SHANK2: variants seen among roughly 807,000 people sequenced by gnomAD.
SHANK2 encodes SH3 and multiple ankyrin repeat domains 2, also known as SH3 and multiple ankyrin repeat domains protein 2.
Under a neutral mutation model 133.7 loss-of-function variants are expected in SHANK2, and 43 were observed. The observed-to-expected ratio is 0.32, with a 90% confidence interval of 0.25 to 0.41. The LOEUF is 0.41. Among genes scored for constraint, SHANK2 ranks in the 10% least tolerant of loss-of-function variants. The probability of loss-of-function intolerance (pLI) is 1.00; values close to 1 mark genes in which losing one functional copy is unlikely to be tolerated. For missense variants in SHANK2, 1,994 were observed against 2,235.8 expected (o/e 0.89, Z 2.18); for synonymous variants, 1,017 against 952.8 (o/e 1.07, Z -1.24).
At position 70,473,630 on chromosome 11, in the gene SHANK2, T is replaced by C. The variant is rs987997553; in HGVS notation, c.4980-191A>G. The C allele has an allele frequency of 2.3e-5, 16 of 684,464 alleles. No individual in the cohort carries two copies. The highest frequency in any genetic ancestry group is 1.1e-4 in the African/African-American group (6 of 56,938). The allele number at this position is 684,464 out of a possible 1,614,324, so 42.4% of individuals were successfully genotyped here. On this transcript the variant is annotated intron_variant, in intron 25 of 25. Transcript: ENST00000601538. This position sits in a 1 kb window ranked among gnomAD's most constrained non-coding sequence, Gnocchi z 5.9. ...GGGGGAGAAAGGGGCCAGAGCAAAG[T>C]TGGAGACACCAGAGCACACCACGTC...
intron 17 of SHANK2, among the ~76,000 whole-genome samples, chr11:70,597,301 C>T (rs1434743727): frequency 2.6e-5 from 4 of 152,128 alleles, no homozygotes; most frequent in African/African-American, 9.7e-5. Flanking sequence ...TACCCAGGCA[C>T]CCCATAATAA....
intron 11 of SHANK2, among the ~76,000 whole-genome samples, chr11:70,851,422 A>C (rs1289712739): frequency 6.6e-6 from 1 of 152,194 alleles, no homozygotes; most frequent in Non-Finnish European, 1.5e-5. Context: ...ACATAAATAA[A>C]AGAAACAGGT....
At chr11:70,609,264 T>A (rs1288313353) in intron 17 of SHANK2, among the ~76,000 whole-genome samples, 1 of 152,130 alleles carries the variant, frequency 6.6e-6, no homozygotes, top group South Asian at 2.1e-4. Context: ...TGACGGCAGA[T>A]GGTTTCAAAG....
chr11:70,835,630 C>G (rs1948803118), intron 11 of SHANK2, among the ~76,000 whole-genome samples: 1 of 152,128 alleles, frequency 6.6e-6, no homozygotes, highest in Non-Finnish European at 1.5e-5. Flanking sequence ...GCTGGAGGAC[C>G]CCTCTTGGAG....
At chr11:70,587,325 C>T (rs184704004) in intron 17 of SHANK2, among the ~76,000 whole-genome samples, 8 of 152,344 alleles carry the variant, frequency 5.3e-5, no homozygotes, top group African/African-American at 1.9e-4. Context: ...GGACCCCTAA[C>T]TAGACAGGCC....
intron 14 of SHANK2, among the ~76,000 whole-genome samples, chr11:70,729,684 C>G (rs1487437218): frequency 2.6e-5 from 4 of 151,678 alleles, no homozygotes; most frequent in African/African-American, 9.7e-5. Context: ...GCTACCACAC[C>G]CGGCTAATTT....
Position 70,485,574 on chromosome 11 carries a change from A to T in SHANK2, c.4719T>A (p.Asp1573Glu). The change falls in exon 25 of 26, where the codon GAT (aspartate) becomes GAA (glutamate). Residue 1573 changes from aspartate (D) to glutamate (E), a missense_variant. Coordinates refer to ENST00000601538, the MANE Select transcript of SHANK2 (RefSeq NM_012309.5). This position sits in a 1 kb window ranked among gnomAD's most constrained non-coding sequence, Gnocchi z 5.8. ...GAGCGGGCGGGGGGATAACAAAGCTATCTACATCTTCTTCCACGAGCGCGT... is the reference window on the plus strand; with the variant it reads ...GAGCGGGCGGGGGGATAACAAAGCTTTCTACATCTTCTTCCACGAGCGCGT... ...YQDALVEEDVDSFVIPPPAPP... is the reference protein window; with the variant it reads ...YQDALVEEDVESFVIPPPAPP... 6.2e-7 allele frequency: 1 copy of T among 1,613,644 alleles called. No individual in the cohort carries two copies. Among genetic ancestry groups the T allele is most frequent in the South Asian group, 1.1e-5 (1 of 91,080 alleles).
At chr11:71,116,553 G>A (rs569511795) in intron 4 of SHANK2, among the ~76,000 whole-genome samples, 23 of 152,360 alleles carry the variant, frequency 1.5e-4, no homozygotes, top group African/African-American at 4.8e-4. Flanking sequence ...AAAGAGCCCC[G>A]GTCACCCGGG....
chr11:70,648,941 C>T (rs148430834), intron 17 of SHANK2, among the ~76,000 whole-genome samples: 11 of 152,192 alleles, frequency 7.2e-5, no homozygotes, highest in African/African-American at 1.9e-4. Flanking sequence ...GGGTTATGAG[C>T]GGGCATCACA....
chr11:71,234,743 G>A (rs1370726832), intron 1 of SHANK2, among the ~76,000 whole-genome samples: 1 of 152,132 alleles, frequency 6.6e-6, no homozygotes, highest in Non-Finnish European at 1.5e-5. Flanking sequence ...TTCTGTCAAG[G>A]AGGGATGAGT....
chr11:70,893,140 G>T (rs981348562), intron 11 of SHANK2, among the ~76,000 whole-genome samples: 3 of 152,352 alleles, frequency 2.0e-5, no homozygotes, highest in Middle Eastern at 6.8e-3. Context: ...TGGCTGTGAT[G>T]CTGTACGTGA....
chr11:71,205,448 G>T (rs1954109225), intron 2 of SHANK2, among the ~76,000 whole-genome samples: 1 of 152,208 alleles, frequency 6.6e-6, no homozygotes, highest in African/African-American at 2.4e-5. Context: ...TCCAGCTCCT[G>T]CCTGTGCCCC....
chr11:70,718,915 G>A (rs1946013997), intron 14 of SHANK2, among the ~76,000 whole-genome samples: 1 of 152,186 alleles, frequency 6.6e-6, no homozygotes, highest in African/African-American at 2.4e-5. Flanking sequence ...GGCGCTATGA[G>A]CTTGGGCTTG....
chr11:71,208,529 C>T (rs541046552), intron 2 of SHANK2, among the ~76,000 whole-genome samples: 1 of 151,628 alleles, frequency 6.6e-6, no homozygotes, highest in Admixed American at 6.5e-5. Flanking sequence ...ACCCTCCCTT[C>T]CCGAGTCCTA....
intron 3 of SHANK2, among the ~76,000 whole-genome samples, chr11:71,120,269 T>A (rs1439398292): frequency 6.6e-6 from 1 of 152,234 alleles, no homozygotes; most frequent in East Asian, 1.9e-4. Context: ...ACTTCTAATT[T>A]TTGTTGAATT....
intron 17 of SHANK2, among the ~76,000 whole-genome samples, chr11:70,658,141 C>T (rs1258264746): frequency 1.1e-4 from 16 of 150,486 alleles, no homozygotes; most frequent in Admixed American, 7.3e-4. Context: ...GCCTGTCACA[C>T]GTGCACACAC....
chr11:70,732,912 A>G (rs1370710031), intron 14 of SHANK2, among the ~76,000 whole-genome samples: 1 of 152,144 alleles, frequency 6.6e-6, no homozygotes, highest in African/African-American at 2.4e-5. Context: ...CTGTAACCCC[A>G]GCTCTGGAAA....
At chr11:70,528,742 G>A (rs10793134) in intron 17 of SHANK2, among the ~76,000 whole-genome samples, 140,409 of 151,534 alleles carry the variant, frequency 0.93, 66,047 homozygotes, top group East Asian at 1. Context: ...AAGCGTCCTC[G>A]GCATCCGTGG....
intron 6 of SHANK2, among the ~76,000 whole-genome samples, chr11:71,105,100 G>C (rs541316929): frequency 6.6e-6 from 1 of 152,180 alleles, no homozygotes. Context: ...GGAGGCAAGT[G>C]GATAAGCAAA....
Sources: allele counts gnomAD v4.1 joint callset (sites outside exome capture counted in the v4.1 genomes callset), GRCh38; gene constraint gnomAD v4.1.1; non-coding constraint Gnocchi (gnomAD v3.1); transcripts MANE v1.5; gene names NCBI Gene and HGNC (gene_info 2026-07-23, HGNC 2026-07-21).